The following EVI5 variants were observed in gnomAD, a reference collection of about 807,000 sequenced individuals.
EVI5 encodes ecotropic viral integration site 5 protein homolog.
In EVI5, 73 loss-of-function variants were observed where a neutral mutation model predicts 112.0. That is an observed-to-expected ratio of 0.65 (90% CI 0.54 to 0.79). The LOEUF is 0.79. Among genes scored for constraint, EVI5 ranks in the 30% least tolerant of loss-of-function variants. EVI5 has a pLI of 0.00. For synonymous variants in EVI5, 305 were observed against 319.9 expected, an observed-to-expected ratio of 0.95 and a Z score of 0.50; for missense variants, 900 against 968.8, an observed-to-expected ratio of 0.93 and a Z score of 0.94.
chr1:92,601,106 G>A (rs1649085472), intron 18 of EVI5, among the ~76,000 whole-genome samples: 1 of 152,148 alleles, frequency 6.6e-6, no homozygotes, highest in Non-Finnish European at 1.5e-5. Flanking sequence ...TGAAAAAATA[G>A]CAACAAATTT....
chr1:92,710,533 T>C (rs1672690851), intron 2 of EVI5, among the ~76,000 whole-genome samples: 1 of 152,226 alleles, frequency 6.6e-6, no homozygotes, highest in Non-Finnish European at 1.5e-5. Context: ...CTCCTGGCCA[T>C]TTCTAATATT....
chr1:92,766,506 C>T (rs1682663981), intron 1 of EVI5, among the ~76,000 whole-genome samples: 1 of 152,114 alleles, frequency 6.6e-6, no homozygotes, highest in South Asian at 2.1e-4. Context: ...GTATGCTCAA[C>T]AGCACTATCA....
intron 18 of EVI5, among the ~76,000 whole-genome samples, chr1:92,593,851 T>C (rs557235993): frequency 9.2e-5 from 14 of 152,086 alleles, no homozygotes; most frequent in Non-Finnish European, 1.9e-4. Context: ...TACCTAGGAA[T>C]CCAGCTTACA....
At chr1:92,578,174 A>C (rs1671367186) in intron 18 of EVI5, among the ~76,000 whole-genome samples, 2 of 152,158 alleles carry the variant, frequency 1.3e-5, no homozygotes, top group African/African-American at 4.8e-5. Context: ...TCTTTCTGTC[A>C]TTCTACTAAT....
intron 14 of EVI5, among the ~76,000 whole-genome samples, chr1:92,632,754 A>C (rs1657490856): frequency 6.6e-6 from 1 of 151,866 alleles, no homozygotes; most frequent in Non-Finnish European, 1.5e-5. Flanking sequence ...TAGTTCTTTT[A>C]ATTGTGATGT....
At chr1:92,675,211 G>A (rs1666525021) in intron 10 of EVI5, among the ~76,000 whole-genome samples, 2 of 152,144 alleles carry the variant, frequency 1.3e-5, no homozygotes, top group Admixed American at 6.5e-5. Flanking sequence ...AGGCATGGTG[G>A]TGTGCACCTG....
Position 92,695,396 on chromosome 1 carries a change from A to T in EVI5, c.823T>A (p.Tyr275Asn). 10 of 1,605,758 alleles carry T rather than the reference A, an allele frequency of 6.2e-6. No individual in the cohort carries two copies. The highest frequency in any genetic ancestry group is 6.8e-6 in the Non-Finnish European group (8 of 1,172,626). The change falls in exon 7 of 20, where the codon TAT (tyrosine) becomes AAT (asparagine). Residue 275 changes from tyrosine to asparagine, a missense_variant. Tyr to Asn is a moderately radical substitution (Grantham distance 143, BLOSUM62 -2). Coordinates refer to ENST00000684568, the MANE Select transcript of EVI5 (RefSeq NM_001350197.2). ...ATAGTCAGAAACCAGGATGATGCAT[A>T]CATTGAGGTATGAAAACTCTGAGAT... is the stretch of plus-strand genomic sequence containing the variant. The part of the protein sequence containing the change: ...FQSQSFHTSM[Y>N]ASSWFLTIFL...
At chr1:92,756,386 T>C in intron 1 of EVI5, 1 of 531,636 alleles carries the variant, frequency 1.9e-6, no homozygotes, top group South Asian at 1.4e-5. Flanking sequence ...GTTGCAAAAT[T>C]ACCCCTTTCT....
intron 19 of EVI5, among the ~76,000 whole-genome samples, chr1:92,541,449 GA>G (rs1301574310): frequency 2.0e-5 from 3 of 151,754 alleles, no homozygotes; most frequent in African/African-American, 7.3e-5. Flanking sequence ...CTACTTAATC[GA>G]AAAAATAAAT....
At chr1:92,756,550 A>T in intron 1 of EVI5, 1 of 520,958 alleles carries the variant, frequency 1.9e-6, no homozygotes, top group South Asian at 1.4e-5. Flanking sequence ...ACAGCTATTG[A>T]CTGCTCATGA....
intron 1 of EVI5, among the ~76,000 whole-genome samples, chr1:92,770,912 T>C (rs1306875328): frequency 6.6e-6 from 1 of 151,210 alleles, no homozygotes; most frequent in Non-Finnish European, 1.5e-5. Flanking sequence ...GCCTCCTGGG[T>C]TCAAGTGATT....
intron 19 of EVI5, among the ~76,000 whole-genome samples, chr1:92,514,220 C>G (rs1284521699): frequency 1.3e-5 from 2 of 152,128 alleles, no homozygotes; most frequent in Non-Finnish European, 2.9e-5. Flanking sequence ...GTGGTGCGAT[C>G]TCGGCTCACT....
At chr1:92,762,728 A>G (rs1427497816) in intron 1 of EVI5, among the ~76,000 whole-genome samples, 1 of 152,154 alleles carries the variant, frequency 6.6e-6, no homozygotes, top group Non-Finnish European at 1.5e-5. Flanking sequence ...AAAATTCCCA[A>G]CTCCTCTGAA....
intron 19 of EVI5, among the ~76,000 whole-genome samples, chr1:92,535,581 A>C: frequency 6.6e-6 from 1 of 152,178 alleles, no homozygotes; most frequent in Non-Finnish European, 1.5e-5. Context: ...TGCAGCCATA[A>C]AAAAAAATGA....
At chr1:92,682,609 T>TA (rs1327040734) in intron 9 of EVI5, among the ~76,000 whole-genome samples, 7 of 152,148 alleles carry the variant, frequency 4.6e-5, no homozygotes, top group African/African-American at 1.7e-4. Flanking sequence ...TAAAAATTTT[T>TA]AAAAAATTAG....
At chr1:92,721,368 TA>T (rs1674726230) in intron 2 of EVI5, among the ~76,000 whole-genome samples, 1 of 152,326 alleles carries the variant, frequency 6.6e-6, no homozygotes, top group Admixed American at 6.5e-5. Flanking sequence ...TGAGTTCATG[TA>T]CTTTGTAGGG....
intron 1 of EVI5, among the ~76,000 whole-genome samples, chr1:92,780,308 T>C (rs765651586): frequency 6.6e-6 from 1 of 152,238 alleles, no homozygotes; most frequent in Non-Finnish European, 1.5e-5. Context: ...GTCTTGGGTA[T>C]TCTTCATAGC....
At chr1:92,514,280 A>G (rs1571248746) in intron 19 of EVI5, among the ~76,000 whole-genome samples, 1 of 152,020 alleles carries the variant, frequency 6.6e-6, no homozygotes, top group Non-Finnish European at 1.5e-5. Context: ...CAGCCTCCTG[A>G]GTAGCTGGGA....
chr1:92,675,753 G>A (rs750418623), intron 10 of EVI5, among the ~76,000 whole-genome samples: 8 of 152,018 alleles, frequency 5.3e-5, no homozygotes, highest in Non-Finnish European at 2.9e-5. Context: ...TCAGGAGATC[G>A]AGACCATCCT....
Sources: gnomAD v4.1 joint callset for allele counts (sites outside exome capture counted in the v4.1 genomes callset) on GRCh38, gnomAD v4.1.1 for gene constraint, MANE v1.5 for transcripts, NCBI Gene and HGNC (gene_info 2026-07-23, HGNC 2026-07-21) for gene names.